The following NUMA1 variants were observed in gnomAD, a reference collection of about 807,000 sequenced individuals.
NUMA1 encodes nuclear mitotic apparatus protein 1.
NUMA1 carries 62 observed loss-of-function variants against 237.1 expected under a neutral mutation model. That is an observed-to-expected ratio of 0.26 (90% confidence interval 0.21 to 0.32). The LOEUF is 0.32. NUMA1 is among the 10% of genes least tolerant of loss of function. NUMA1 has a pLI of 1.00. For synonymous variants in NUMA1, 1,028 were observed against 1,066.1 expected (o/e 0.96, Z 0.70); for missense variants, 2,533 against 2,666.5 (o/e 0.95, Z 1.10).
chr11:72,010,044 C>T (rs76073901), intron 17 of NUMA1, among the ~76,000 whole-genome samples: 2 of 152,200 alleles, frequency 1.3e-5, no homozygotes, highest in African/African-American at 4.8e-5. Context: ...AAGCATCCCC[C>T]CTTTGCCTCT....
rs1955389139 is a variant in NUMA1, at chr11:72,003,345, C to A, written c.*182G>T. On this transcript the variant is annotated 3_prime_UTR_variant, in exon 27 of 27. Coordinates refer to ENST00000393695, the MANE Select transcript of NUMA1 (RefSeq NM_006185.4). ...TGCTCCAGGCCCCCTGGGCCAGCTC[C>A]GAGAAGGCGCCAGTGAAGGACCAGG... 1 of 649,578 alleles carries A rather than the reference C, an allele frequency of 1.5e-6. No individual in the cohort carries two copies. The highest frequency in any genetic ancestry group is 2.5e-5 in the Admixed American group (1 of 39,892). 40.2% of individuals were successfully genotyped at this position (649,578 alleles called of 1,614,324 possible). A position where few individuals can be genotyped will look rare whatever the true frequency, so the allele number is the denominator to read the frequency against.
intron 9 of NUMA1, among the ~76,000 whole-genome samples, 176 bp downstream of exon 9, chr11:72,019,318 T>G (rs946566312): frequency 2.6e-5 from 4 of 152,166 alleles, no homozygotes; most frequent in Non-Finnish European, 4.4e-5. Flanking sequence ...CTTCTGCACA[T>G]GACAAATCCC....
At chr11:72,062,494 C>T (rs1437750801) in intron 2 of NUMA1, 2 of 152,220 alleles carry the variant, frequency 1.3e-5, no homozygotes, top group Non-Finnish European at 2.9e-5. Context: ...GAGCAGATCA[C>T]CTGAGGTCAG....
chr11:72,023,859 T>A (rs1415345921), intron 5 of NUMA1, among the ~76,000 whole-genome samples: 2 of 152,198 alleles, frequency 1.3e-5, no homozygotes, highest in Admixed American at 6.5e-5. Context: ...AACCTTAATG[T>A]GCCTCTGCCC....
Position 72,015,692 on chromosome 11 carries a change from T to C in NUMA1, c.1811A>G (p.Lys604Arg). Residue 604 changes from lysine (K) to arginine (R), a missense_variant, in exon 15 of 27, where the codon AAG becomes AGG. Coordinates refer to ENST00000393695, the MANE Select transcript of NUMA1 (RefSeq NM_006185.4). The surrounding 1 kb of genome is among the most constrained non-coding windows in gnomAD (Gnocchi z 4.0). ...ASLRERDAAL[K>R]QLEALEKEKA... is the part of the protein sequence containing the mutation. ...CTCCTTCTCCAGTGCCTCCAGCTGC[T>C]TGAGAGCCGCATCCCGCTCCCTTAA... The C allele has an allele frequency of 6.2e-7, 1 of 1,614,062 alleles. No individual in the cohort carries two copies. Among genetic ancestry groups the C allele is most frequent in the Non-Finnish European group, 8.5e-7 (1 of 1,180,038 alleles).
At position 72,004,093 on chromosome 11, in the gene NUMA1, G is replaced by C. The variant is rs199699067; in HGVS notation, c.6130C>G (p.Arg2044Gly). ...AAPASTKQAD[R>G]RQSMAFSILN... ...ATGCTGAAGGCCATCGACTGGCGCC[G>C]GTCAGCCTGCAAGGAAGGGCTGTCA... The change falls in exon 26 of 27, where the codon CGG becomes GGG. Residue 2044 changes from arginine to glycine, a missense_variant. By Grantham distance (125) the Arg-to-Gly change is moderately radical. Transcript: ENST00000393695. 3 of 1,612,982 alleles carry C rather than the reference G, an allele frequency of 1.9e-6. No homozygotes were observed. The highest frequency in any genetic ancestry group is 1.6e-4 in the Middle Eastern group (1 of 6,076).
intron 2 of NUMA1, 46 bp from the exon 3 acceptor site, chr11:72,036,021 C>A: frequency 1.4e-6 from 2 of 1,432,922 alleles, no homozygotes; most frequent in Non-Finnish European, 2.0e-6. Context: ...TATCAGATAT[C>A]CATGATCAAG....
Position 72,018,303 on chromosome 11 carries a change from G to T in NUMA1, c.861-3C>A. ...TTTCATGCAGCCGCATGGTAAGGCTGCGAGGGAGGGAAGCAGTGAGAAGAG... is the reference window on the plus strand; with the variant it reads ...TTTCATGCAGCCGCATGGTAAGGCTTCGAGGGAGGGAAGCAGTGAGAAGAG... On this transcript the variant is annotated splice_region_variant and splice_polypyrimidine_tract_variant and intron_variant, in intron 11 of 26. Transcript: ENST00000393695. The T allele has an allele frequency of 6.2e-7, 1 of 1,613,364 alleles. No homozygotes were observed. The highest frequency in any genetic ancestry group is 1.3e-5 in the African/African-American group (1 of 75,054).
At chr11:72,010,685 G>A in intron 17 of NUMA1, 101 bp downstream of exon 17, 1 of 1,133,100 alleles carries the variant, frequency 8.8e-7, no homozygotes, top group Non-Finnish European at 1.3e-6. Context: ...TGGAATGCAG[G>A]GTGCCCCTCT....
At chr11:72,008,179 A>T (rs763172865) in intron 20 of NUMA1, 1 of 473,722 alleles carries the variant, frequency 2.1e-6, no homozygotes. Context: ...AGTGTTTAAT[A>T]AAAACATTTT....
At chr11:72,039,099 T>C (rs2135798332) in intron 2 of NUMA1, among the ~76,000 whole-genome samples, 1 of 152,210 alleles carries the variant, frequency 6.6e-6, no homozygotes, top group African/African-American at 2.4e-5. Context: ...AAAATAAATA[T>C]CAAGATAAGG....
chr11:72,003,436 TGA>T lies in NUMA1; in HGVS notation c.*89_*90del. 2 of 1,291,850 alleles carry T rather than the reference TGA, an allele frequency of 1.5e-6. No individual in the cohort carries two copies. The highest frequency in any genetic ancestry group is 2.9e-5 in the African/African-American group (2 of 69,166). The allele number at this position is 1,291,850 out of a possible 1,614,324, so 80.0% of individuals were successfully genotyped here. On this transcript the variant is annotated 3_prime_UTR_variant, in exon 27 of 27. Transcript: ENST00000393695. ...GTTTGGCTACTGTTGGCCTGGGAGC[TGA>T]GAGAAGGCACTGAGAGGGACAGTAG...
rs765421656 is a variant in NUMA1 at position 72,003,881 on chromosome 11, C to A, written c.6336+6G>T. ...TTTCCCTCCCCCATCCTGCCAGTGC[C>A]TCTACCTTGCCCTTGGCTCGAGGGG... On this transcript the variant is annotated splice_donor_region_variant and intron_variant, in intron 26 of 26. Transcript: ENST00000393695. 8.1e-6 allele frequency: 13 copies of A among 1,613,454 alleles called. No homozygotes were observed. In the South Asian group the frequency reaches 1.4e-4, roughly 18 times the overall value.
In NUMA1 at chr11:72,023,078, A is replaced by G; in HGVS notation, c.278T>C (p.Leu93Pro). The G allele has an allele frequency of 6.2e-7, 1 of 1,613,680 alleles. No homozygotes were observed. Among genetic ancestry groups the G allele is most frequent in the East Asian group, 2.2e-5 (1 of 44,874 alleles). ...SAQKVLEGSE[L>P]ELAKMTMLLL... ...TTCCATAGGTACCTTCGCCAGTTCC[A>G]GCTCTGATCCCTCTAGCACCTTCTG... The change falls in exon 6 of 27, where the codon CTG (leucine) becomes CCG (proline). Residue 93 changes from leucine (L) to proline (P), a missense_variant. This residue lies in a region of NUMA1 where 1,414 missense variants were observed against 1,508.1 expected (regional missense o/e 0.94). Coordinates refer to ENST00000393695, the MANE Select transcript of NUMA1 (RefSeq NM_006185.4).
chr11:72,036,487 G>A (rs1029215002), intron 2 of NUMA1, among the ~76,000 whole-genome samples: 5 of 152,256 alleles, frequency 3.3e-5, no homozygotes, highest in African/African-American at 1.2e-4. Context: ...ATGGTAGGTT[G>A]TCAATAAATA....
Position 72,014,289 on chromosome 11 carries a change from G to A in NUMA1, c.3214C>T (p.Leu1072=), listed in dbSNP as rs375753509. ...KDQELAKLRG[L]EAAQIKELEE... Reference sequence around the variant, plus strand: ...AGCTCTTTTATCTGGGCTGCCTCCAGACCACGAAGCTTGGCCAACTCCTGG... The same window carrying A: ...AGCTCTTTTATCTGGGCTGCCTCCAAACCACGAAGCTTGGCCAACTCCTGG... Residue 1072 remains leucine, a synonymous_variant, in exon 15 of 27, where the codon CTG becomes TTG. Coordinates refer to ENST00000393695, the MANE Select transcript of NUMA1 (RefSeq NM_006185.4). This position sits in a 1 kb window ranked among gnomAD's most constrained non-coding sequence, Gnocchi z 4.6. The A allele has an allele frequency of 3.0e-5, 49 of 1,613,938 alleles. 1 individual carries two copies. The highest frequency in any genetic ancestry group is 1.6e-4 in the African/African-American group (12 of 75,060).
chr11:72,050,195 A>G (rs898168190), intron 2 of NUMA1, among the ~76,000 whole-genome samples: 2 of 152,236 alleles, frequency 1.3e-5, no homozygotes, highest in African/African-American at 4.8e-5. Flanking sequence ...AATGCAATTT[A>G]TAACTACATC....
At chr11:72,041,415 A>G (rs975789880) in intron 2 of NUMA1, 1 of 152,328 alleles carries the variant, frequency 6.6e-6, no homozygotes, top group African/African-American at 2.4e-5. Context: ...TAAACACACA[A>G]AACACATCTT....
intron 9 of NUMA1, 89 bp downstream of exon 9, chr11:72,019,405 C>T: frequency 2.0e-6 from 3 of 1,528,748 alleles, no homozygotes; most frequent in Non-Finnish European, 2.7e-6. Flanking sequence ...CTCCCAGAGG[C>T]TGGTTAACAT....
Sources: allele counts gnomAD v4.1 joint callset (sites outside exome capture counted in the v4.1 genomes callset), GRCh38; gene constraint gnomAD v4.1.1; regional missense constraint gnomAD v4.1.1; non-coding constraint Gnocchi (gnomAD v3.1); transcripts MANE v1.5; gene names NCBI Gene and HGNC (gene_info 2026-07-23, HGNC 2026-07-21).